MED27: variants seen among roughly 807,000 people sequenced by gnomAD.
MED27 encodes the protein mediator complex subunit 27.
In MED27, 30 loss-of-function variants were observed where a neutral mutation model predicts 38.2. That is an observed-to-expected ratio of 0.79 (90% confidence interval 0.59 to 1.07). The LOEUF is 1.07. MED27 is among the 50% of genes least tolerant of loss of function. The pLI is 0.00. For missense variants in MED27, 289 were observed against 397.5 expected, an observed-to-expected ratio of 0.73 and a Z score of 2.32; for synonymous variants, 122 against 153.5, an observed-to-expected ratio of 0.79 and a Z score of 1.52.
intron 3 of MED27, 22 bp downstream of exon 3, chr9:132,014,315 A>C (rs780273553): frequency 1.9e-6 from 3 of 1,604,576 alleles, no homozygotes; most frequent in East Asian, 2.2e-5. Context: ...TACTAAAGTA[A>C]TTTTTCAAAT....
intron 2 of MED27, among the ~76,000 whole-genome samples, chr9:132,045,362 T>C (rs73658168): frequency 0.014 from 2,151 of 152,128 alleles, 52 homozygotes; most frequent in African/African-American, 0.05. Context: ...GATTTGTATG[T>C]ATATTGTTGA....
chr9:131,873,306 A>T (rs1320687813), intron 6 of MED27, among the ~76,000 whole-genome samples: 2 of 152,222 alleles, frequency 1.3e-5, no homozygotes, highest in Non-Finnish European at 2.9e-5. Context: ...ACAGTCCCAG[A>T]AGTACTCATT....
intron 2 of MED27, among the ~76,000 whole-genome samples, chr9:132,075,841 A>C (rs936511375): frequency 2.0e-5 from 3 of 152,162 alleles, no homozygotes; most frequent in Non-Finnish European, 4.4e-5. Flanking sequence ...CTGGCCTAAA[A>C]AACTGCAACA....
chr9:132,010,939 A>C (rs1458339359), intron 3 of MED27, among the ~76,000 whole-genome samples: 2 of 152,176 alleles, frequency 1.3e-5, no homozygotes, highest in South Asian at 2.1e-4. Context: ...GTAAATGACG[A>C]GTTAATGGGT....
intron 2 of MED27, among the ~76,000 whole-genome samples, chr9:132,038,785 T>G (rs1833140538): frequency 6.6e-6 from 1 of 152,016 alleles, no homozygotes; most frequent in Non-Finnish European, 1.5e-5. Flanking sequence ...TGGAATGGCT[T>G]TGAATCAGCA....
At chr9:131,912,981 C>T (rs1392871305) in intron 4 of MED27, among the ~76,000 whole-genome samples, 4 of 152,140 alleles carry the variant, frequency 2.6e-5, no homozygotes. Flanking sequence ...CTATAAAATC[C>T]TCTCTCCCTT....
At chr9:131,920,600 C>T (rs896921051) in intron 4 of MED27, among the ~76,000 whole-genome samples, 1 of 152,142 alleles carries the variant, frequency 6.6e-6, no homozygotes, top group Admixed American at 6.5e-5. Flanking sequence ...TCATATCCTA[C>T]ATTAGAAAGT....
rs187195877 is a variant in MED27 at position 131,875,142 on chromosome 9, C to T, written c.723+8916G>A. ...GGTGCCTTCTGGAGATCACTGGTTGCGCCACTGGCCCTCCCAGGACCCTAG... is the reference window on the plus strand; with the variant it reads ...GGTGCCTTCTGGAGATCACTGGTTGTGCCACTGGCCCTCCCAGGACCCTAG... On this transcript the variant is annotated intron_variant, in intron 6 of 7. Transcript: ENST00000292035. Among the ~76,000 whole-genome samples, 13 of 152,198 alleles carry T rather than the reference C, an allele frequency of 8.5e-5. No individual in the cohort carries two copies. The East Asian group carries it at 9.7e-4, about 11-fold the overall frequency.
intron 2 of MED27, among the ~76,000 whole-genome samples, chr9:132,055,483 T>C (rs1833556895): frequency 6.6e-6 from 1 of 152,088 alleles, no homozygotes; most frequent in Non-Finnish European, 1.5e-5. Context: ...GAAAACCACA[T>C]GAACAACCAG....
At chr9:131,865,175 T>C (rs550117687) in intron 6 of MED27, among the ~76,000 whole-genome samples, 1 of 152,368 alleles carries the variant, frequency 6.6e-6, no homozygotes, top group Non-Finnish European at 1.5e-5. Flanking sequence ...GTTGAGAAAT[T>C]CTTACCCAAG....
intron 2 of MED27, among the ~76,000 whole-genome samples, chr9:132,070,073 A>G (rs1482322009): frequency 6.6e-6 from 1 of 152,238 alleles, no homozygotes; most frequent in Non-Finnish European, 1.5e-5. Context: ...CACATTGAAC[A>G]GAGGAGGAGG....
At chr9:131,930,349 C>T (rs184768718) in intron 4 of MED27, among the ~76,000 whole-genome samples, 2 of 151,990 alleles carry the variant, frequency 1.3e-5, no homozygotes, top group African/African-American at 4.8e-5. Flanking sequence ...AGACAGGATC[C>T]TAAAAGGAAC....
In MED27 at chr9:131,861,619, A is replaced by G. The variant is rs954567785; in HGVS notation, c.802-947T>C. The stretch of plus-strand genomic sequence containing the variant: ...GGTCAAGAGGTCCTTCAGTTAAACT[A>G]CTTATTTTTCCCTAAGTAGAAGAAG... On this transcript the variant is annotated intron_variant, in intron 7 of 7. Transcript: ENST00000292035. This position sits in a 1 kb window ranked among gnomAD's most constrained non-coding sequence, Gnocchi z 4.4. 3.9e-5 allele frequency among the ~76,000 whole-genome samples: 6 copies of G among 152,150 alleles called. No individual in the cohort carries two copies. Among genetic ancestry groups the G allele is most frequent in the African/African-American group, 1.4e-4 (6 of 41,418 alleles).
At chr9:132,027,735 A>G (rs924577672) in intron 2 of MED27, among the ~76,000 whole-genome samples, 5 of 152,248 alleles carry the variant, frequency 3.3e-5, no homozygotes, top group African/African-American at 1.2e-4. Context: ...GAATAGTCAT[A>G]CATTTTGCTG....
chr9:131,936,033 T>C (rs1830677045), intron 4 of MED27, among the ~76,000 whole-genome samples: 1 of 149,820 alleles, frequency 6.7e-6, no homozygotes, highest in African/African-American at 2.5e-5. Context: ...CTCAGGAGGC[T>C]GAGGTGGGAG....
At chr9:131,927,788 C>G (rs574030425) in intron 4 of MED27, among the ~76,000 whole-genome samples, 9 of 152,286 alleles carry the variant, frequency 5.9e-5, no homozygotes, top group African/African-American at 2.2e-4. Context: ...GTCTCCCCCT[C>G]CCTTTTCCCT....
chr9:132,037,778 G>A (rs867261831), intron 2 of MED27, among the ~76,000 whole-genome samples: 21 of 152,256 alleles, frequency 1.4e-4, no homozygotes, highest in South Asian at 4.1e-4. Context: ...CTTTCACCGG[G>A]CAGCTGTAGA....
intron 2 of MED27, among the ~76,000 whole-genome samples, chr9:132,021,570 C>T (rs1361275648): frequency 2.0e-5 from 3 of 152,116 alleles, no homozygotes; most frequent in African/African-American, 4.8e-5. Flanking sequence ...AGGTGCTCAC[C>T]CCATCTGCCT....
intron 4 of MED27, among the ~76,000 whole-genome samples, chr9:131,931,638 T>C (rs868229939): frequency 1.3e-5 from 2 of 152,044 alleles, no homozygotes; most frequent in Middle Eastern, 3.4e-3. Context: ...CAAAGATACA[T>C]ACAGACTGAA....
Sources: gnomAD v4.1 joint callset for allele counts (sites outside exome capture counted in the v4.1 genomes callset) on GRCh38, gnomAD v4.1.1 for gene constraint, Gnocchi (gnomAD v3.1) non-coding constraint, MANE v1.5 for transcripts, NCBI Gene and HGNC (gene_info 2026-07-23, HGNC 2026-07-21) for gene names.